Variants in SLC35F1 observed in about 807,000 individuals in gnomAD.
The protein encoded by SLC35F1 is chromosome 6 open reading frame 169.
A neutral mutation model predicts 48.7 loss-of-function variants in SLC35F1; 14 were observed. The observed-to-expected ratio is 0.29, with a 90% CI of 0.19 to 0.45. SLC35F1 has a LOEUF of 0.45. SLC35F1 is among the 20% of genes least tolerant of loss of function. SLC35F1 has a pLI of 1.00. For synonymous variants in SLC35F1, 190 were observed against 202.2 expected (o/e 0.94, Z 0.51); for missense variants, 404 against 500.0 (o/e 0.81, Z 1.83).
chr6:118,171,678 A>G (rs2114496224), intron 2 of SLC35F1, among the ~76,000 whole-genome samples: 1 of 152,320 alleles, frequency 6.6e-6, no homozygotes, highest in East Asian at 1.9e-4. Context: ...TGAAAGGTGA[A>G]AAATATTTTA....
intron 1 of SLC35F1, among the ~76,000 whole-genome samples, chr6:117,909,557 G>A (rs190260533): frequency 4.6e-5 from 7 of 152,128 alleles, no homozygotes; most frequent in African/African-American, 1.7e-4. Context: ...AGCTAGACAA[G>A]TGGTTTGCAG....
At chr6:118,291,284 C>CAT (rs1315883498) in intron 7 of SLC35F1, among the ~76,000 whole-genome samples, 6 of 133,742 alleles carry the variant, frequency 4.5e-5, no homozygotes, top group African/African-American at 8.7e-5. Flanking sequence ...CACACACACA[C>CAT]ATATATAATA....
At chr6:118,002,865 A>G (rs980459616) in intron 1 of SLC35F1, among the ~76,000 whole-genome samples, 6 of 152,014 alleles carry the variant, frequency 3.9e-5, no homozygotes, top group Non-Finnish European at 7.4e-5. Flanking sequence ...AAAATTGACA[A>G]TCATTCATAG....
At chr6:118,168,842 T>C (rs968958364) in intron 2 of SLC35F1, among the ~76,000 whole-genome samples, 2 of 152,176 alleles carry the variant, frequency 1.3e-5, no homozygotes, top group African/African-American at 4.8e-5. Flanking sequence ...CACTATAATC[T>C]TATGTTATAA....
intron 6 of SLC35F1, among the ~76,000 whole-genome samples, chr6:118,281,627 C>T (rs1465000196): frequency 3.3e-5 from 5 of 152,188 alleles, no homozygotes; most frequent in Admixed American, 3.3e-4. Flanking sequence ...TCTACCCCTG[C>T]TGGGCTTCCC....
At chr6:118,092,281 G>A (rs1773085126) in intron 1 of SLC35F1, among the ~76,000 whole-genome samples, 1 of 152,172 alleles carries the variant, frequency 6.6e-6, no homozygotes, top group Non-Finnish European at 1.5e-5. Context: ...AGGCCTAGGA[G>A]GGAAAAATGG....
intron 2 of SLC35F1, among the ~76,000 whole-genome samples, chr6:118,162,437 T>C (rs7772177): frequency 0.23 from 35,217 of 152,030 alleles, 4,441 homozygotes; most frequent in East Asian, 0.37. Flanking sequence ...GTTCTGTGTA[T>C]CTCGATTTTT....
intron 1 of SLC35F1, among the ~76,000 whole-genome samples, chr6:117,921,359 C>T (rs955731555): frequency 1.6e-4 from 24 of 152,210 alleles, no homozygotes; most frequent in Non-Finnish European, 8.8e-5. Context: ...AGGGGTTTCC[C>T]CCCATGTTCC....
intron 2 of SLC35F1, among the ~76,000 whole-genome samples, chr6:118,209,800 G>A (rs978154469): frequency 5.3e-5 from 8 of 152,060 alleles, no homozygotes; most frequent in Admixed American, 5.2e-4. Flanking sequence ...TGTGTCCCTG[G>A]TGCTGTGAGA....
At chr6:118,195,372 T>C (rs1353808578) in intron 2 of SLC35F1, among the ~76,000 whole-genome samples, 1 of 152,182 alleles carries the variant, frequency 6.6e-6, no homozygotes, top group East Asian at 1.9e-4. Flanking sequence ...ATTTTGCCAT[T>C]TCTGTAAGAC....
chr6:118,049,766 G>A (rs1035982993), intron 1 of SLC35F1, among the ~76,000 whole-genome samples: 1 of 151,892 alleles, frequency 6.6e-6, no homozygotes, highest in East Asian at 1.9e-4. Context: ...CACTGTTGGT[G>A]GGACTGTAAA....
At chr6:118,261,629 T>C (rs1164904382) in intron 3 of SLC35F1, among the ~76,000 whole-genome samples, 1 of 152,142 alleles carries the variant, frequency 6.6e-6, no homozygotes, top group Non-Finnish European at 1.5e-5. Context: ...TTTTCTGGCT[T>C]TATCTCTCCT....
chr6:117,916,452 G>C (rs994499624), intron 1 of SLC35F1, among the ~76,000 whole-genome samples: 1 of 152,110 alleles, frequency 6.6e-6, no homozygotes, highest in Non-Finnish European at 1.5e-5. Flanking sequence ...AATCATGGAT[G>C]GGGGGAGCGG....
intron 1 of SLC35F1, among the ~76,000 whole-genome samples, chr6:117,923,853 T>TTAC (rs1190452488): frequency 1.4e-4 from 14 of 102,286 alleles, no homozygotes; most frequent in African/African-American, 6.7e-4. Flanking sequence ...TATATGCACA[T>TTAC]ATATATGTGT....
intron 1 of SLC35F1, among the ~76,000 whole-genome samples, chr6:118,082,602 G>A (rs1297892960): frequency 6.6e-6 from 1 of 150,662 alleles, no homozygotes; most frequent in African/African-American, 2.4e-5. Flanking sequence ...TTTTCATAAA[G>A]GAGAAGACCA....
At chr6:118,032,967 G>T (rs140567630) in intron 1 of SLC35F1, among the ~76,000 whole-genome samples, 4 of 152,070 alleles carry the variant, frequency 2.6e-5, no homozygotes, top group African/African-American at 9.7e-5. Flanking sequence ...GAACTGAAGC[G>T]TGCAGGTGAT....
chr6:118,197,910 T>A (rs1379785784), intron 2 of SLC35F1, among the ~76,000 whole-genome samples: 1 of 152,210 alleles, frequency 6.6e-6, no homozygotes, highest in East Asian at 1.9e-4. Context: ...TAAATACTGC[T>A]TTAAATTTAA....
chr6:118,302,580 A>T (rs1303400682), intron 7 of SLC35F1, among the ~76,000 whole-genome samples: 1 of 152,210 alleles, frequency 6.6e-6, no homozygotes, highest in African/African-American at 2.4e-5. Flanking sequence ...ATATTGGTTC[A>T]TGAATGTCAA....
chr6:118,262,614 T>C (rs1425184358), intron 3 of SLC35F1, among the ~76,000 whole-genome samples: 5 of 152,322 alleles, frequency 3.3e-5, no homozygotes, highest in Admixed American at 2.6e-4. Context: ...GCCCCAGTTC[T>C]AATACTAATT....
Sources: gnomAD v4.1 joint callset for allele counts (sites outside exome capture counted in the v4.1 genomes callset) on GRCh38, gnomAD v4.1.1 for gene constraint, MANE v1.5 for transcripts, NCBI Gene and HGNC (gene_info 2026-07-23, HGNC 2026-07-21) for gene names.